Variants in GPC3 observed in about 807,000 individuals in gnomAD.
GPC3 encodes glypican 3, also known as glypican-3.
In GPC3, 3 loss-of-function variants were observed where a neutral mutation model predicts 34.4. The ratio of observed to expected loss-of-function variants is 0.09; its 90% CI spans 0.04 to 0.23. GPC3 has a LOEUF of 0.23. Ranked by LOEUF, GPC3 falls within the 10% of genes least tolerant of loss-of-function variation. The probability of loss-of-function intolerance (pLI) is 1.00; values close to 1 mark genes in which losing one functional copy is unlikely to be tolerated. For synonymous variants in GPC3, 177 were observed against 174.0 expected, an observed-to-expected ratio of 1.02 and a Z score of -0.13; for missense variants, 351 against 445.6, an observed-to-expected ratio of 0.79 and a Z score of 1.91.
At chrX:133,843,661 A>C (rs975796681) in intron 2 of GPC3, among the ~76,000 whole-genome samples, 1 of 111,516 alleles carries the variant, frequency 9.0e-6, no homozygotes, top group Non-Finnish European at 1.9e-5. Flanking sequence ...TTCATAACCC[A>C]CAGAGACCAT....
intron 7 of GPC3, among the ~76,000 whole-genome samples, chrX:133,554,850 T>C (rs1241817697): frequency 2.7e-5 from 3 of 111,988 alleles, no homozygotes; most frequent in Non-Finnish European, 5.6e-5. Context: ...CATTACTCCA[T>C]TCATGAGTTG....
At chrX:133,719,628 T>TA (rs112439579) in intron 3 of GPC3, among the ~76,000 whole-genome samples, 48 of 104,671 alleles carry the variant, frequency 4.6e-4, no homozygotes, top group Middle Eastern at 4.9e-3. Context: ...TAAAGTATAA[T>TA]AAAAAAAAAT....
chrX:133,980,974 G>GA (rs1266075084), intron 1 of GPC3, among the ~76,000 whole-genome samples: 4 of 112,157 alleles, frequency 3.6e-5, no homozygotes, highest in Admixed American at 1.9e-4. Context: ...CAGCCCATAA[G>GA]AAAAAAACAC....
At chrX:133,573,695 G>A (rs1451358939) in intron 7 of GPC3, among the ~76,000 whole-genome samples, 1 of 111,418 alleles carries the variant, frequency 9.0e-6, no homozygotes, top group Non-Finnish European at 1.9e-5. Flanking sequence ...AAAATACATA[G>A]GAATAAGTTT....
chrX:133,869,007 C>G (rs2124573627), intron 2 of GPC3, among the ~76,000 whole-genome samples: 1 of 112,266 alleles, frequency 8.9e-6, no homozygotes, highest in South Asian at 3.7e-4. Context: ...GAAAAAGTCT[C>G]TAGAAACAGC....
At chrX:133,932,437 T>C (rs900618649) in intron 2 of GPC3, among the ~76,000 whole-genome samples, 6 of 111,766 alleles carry the variant, frequency 5.4e-5, no homozygotes, top group Admixed American at 3.8e-4. Flanking sequence ...GGAGGCAACA[T>C]GTAAAATAAT....
At chrX:133,887,171 T>C (rs2076065326) in intron 2 of GPC3, among the ~76,000 whole-genome samples, 1 of 112,303 alleles carries the variant, frequency 8.9e-6, no homozygotes, top group Non-Finnish European at 1.9e-5. Flanking sequence ...CAGTCCTGGC[T>C]AATTTGTGTA....
intron 1 of GPC3, 141 bp downstream of exon 1, chrX:133,985,134 C>T (rs2124655473): frequency 1.6e-6 from 1 of 615,845 alleles, no homozygotes; most frequent in Admixed American, 2.8e-5. Flanking sequence ...AGCCAGGCCC[C>T]AGGCACACCG....
At chrX:133,584,283 G>A (rs1228638015) in intron 7 of GPC3, among the ~76,000 whole-genome samples, 1 of 111,803 alleles carries the variant, frequency 8.9e-6, no homozygotes. Context: ...ATGGAGGGAA[G>A]GAGAATAGGT....
intron 7 of GPC3, among the ~76,000 whole-genome samples, chrX:133,595,385 C>T (rs1349042336): frequency 9.0e-6 from 1 of 111,285 alleles, no homozygotes; most frequent in South Asian, 3.8e-4. Context: ...GTTTTAATTA[C>T]CTGTAAAATC....
At chrX:133,637,124 G>A (rs975316050) in intron 6 of GPC3, among the ~76,000 whole-genome samples, 3 of 111,556 alleles carry the variant, frequency 2.7e-5, no homozygotes, top group African/African-American at 9.8e-5. Flanking sequence ...AGGTGCACTG[G>A]TCCTTGTAGT....
intron 2 of GPC3, among the ~76,000 whole-genome samples, chrX:133,789,484 G>A (rs2072139053): frequency 8.9e-6 from 1 of 111,829 alleles, no homozygotes; most frequent in African/African-American, 3.3e-5. Flanking sequence ...ATACCTTCCA[G>A]AGACAGCTCT....
intron 2 of GPC3, among the ~76,000 whole-genome samples, chrX:133,944,772 G>A (rs2076360372): frequency 1.8e-5 from 2 of 112,322 alleles, no homozygotes; most frequent in African/African-American, 6.5e-5. Flanking sequence ...GCTTATAAAT[G>A]CACAAGAGGG....
At chrX:133,877,497 C>T (rs903634099) in intron 2 of GPC3, among the ~76,000 whole-genome samples, 1 of 112,218 alleles carries the variant, frequency 8.9e-6, no homozygotes, top group Middle Eastern at 4.6e-3. Flanking sequence ...AGAAACACTT[C>T]TCAAAGTGCA....
intron 3 of GPC3, among the ~76,000 whole-genome samples, chrX:133,718,317 GA>G (rs2071333596): frequency 9.0e-6 from 1 of 111,026 alleles, no homozygotes; most frequent in South Asian, 3.8e-4. Context: ...AAGCTTTACA[GA>G]AAAAAAGGGA....
chrX:133,643,829 A>ATTTTTTTTTTTT, intron 6 of GPC3, among the ~76,000 whole-genome samples: 1 of 99,208 alleles, frequency 1.0e-5, no homozygotes, highest in Non-Finnish European at 1.9e-5. Context: ...TTTTGTTTTT[A>ATTTTTTTTTTTT]TGTTTTTTTT....
intron 7 of GPC3, among the ~76,000 whole-genome samples, chrX:133,582,356 C>G (rs1242583647): frequency 8.9e-6 from 1 of 111,750 alleles, no homozygotes; most frequent in African/African-American, 3.3e-5. Flanking sequence ...CAAGCCAGCT[C>G]TAGTACACCA....
intron 6 of GPC3, 114 bp from the exon 7 acceptor site, chrX:133,596,713 A>G: frequency 1.3e-6 from 1 of 784,299 alleles, no homozygotes. Context: ...CAGAAGCTGT[A>G]AAAAATCACT....
At chrX:133,710,142 T>C (rs897317201) in intron 3 of GPC3, among the ~76,000 whole-genome samples, 1 of 112,203 alleles carries the variant, frequency 8.9e-6, no homozygotes, top group Admixed American at 9.5e-5. Context: ...TATTTGAACA[T>C]TTCATACATG....
Sources: gnomAD v4.1 joint callset for allele counts (sites outside exome capture counted in the v4.1 genomes callset) on GRCh38, gnomAD v4.1.1 for gene constraint, MANE v1.5 for transcripts, NCBI Gene and HGNC (gene_info 2026-07-23, HGNC 2026-07-21) for gene names.